Variants in DIDO1 observed in about 807,000 individuals in gnomAD.
DIDO1 encodes death inducer-obliterator 1, also known as death-inducer obliterator 1.
A neutral mutation model predicts 99.4 loss-of-function variants in DIDO1; 16 were observed. That is an observed-to-expected ratio of 0.16 (90% CI 0.11 to 0.24). The LOEUF is 0.24. DIDO1 is among the 10% of genes least tolerant of loss of function. The pLI is 1.00. For missense variants in DIDO1, 2,996 were observed against 3,014.0 expected (o/e 0.99, Z 0.14); for synonymous variants, 1,366 against 1,239.1 (o/e 1.10, Z -2.15).
In DIDO1 at chr20:62,896,304, G is replaced by C. The variant is rs769025960; in HGVS notation, c.2143C>G (p.Gln715Glu). Residue 715 changes from glutamine to glutamate, a missense_variant, in exon 8 of 16, where the codon CAA becomes GAA. Transcript: ENST00000395343. This position sits in a 1 kb window ranked among gnomAD's most constrained non-coding sequence, Gnocchi z 4.4. Reference protein sequence around the residue: ...HIEKEMFNLFQVTDNRYKSKY... With the variant: ...HIEKEMFNLFEVTDNRYKSKY... ...CTCTTGTAGCGATTATCTGTAACTT[G>C]AAACAAGTTAAACATCTCCTTCTCA... 2 of 1,613,894 alleles carry C rather than the reference G, an allele frequency of 1.2e-6. No homozygotes were observed. The highest frequency in any genetic ancestry group is 1.7e-6 in the Non-Finnish European group (2 of 1,179,966).
In DIDO1 at chr20:62,880,462, C is replaced by G; in HGVS notation, c.5494G>C (p.Gly1832Arg). Residue 1832 changes from glycine to arginine, a missense_variant, in exon 16 of 16, where the codon GGT (glycine) becomes CGT (arginine). Coordinates refer to ENST00000395343, the MANE Select transcript of DIDO1 (RefSeq NM_001193369.2). The stretch of plus-strand genomic sequence containing the variant: ...GATGGTGCCACTCCTCGTGGTCCAC[C>G]AAGGTAAGAGGGTGAGGGGCCTCTG... ...DSRGPSPSYL[G>R]GPRGVAPSQF... 6.2e-7 allele frequency: 1 copy of G among 1,612,920 alleles called. No homozygotes were observed. The highest frequency in any genetic ancestry group is 1.1e-5 in the South Asian group (1 of 91,086).
intron 6 of DIDO1, chr20:62,905,467 A>C: frequency 6.5e-7 from 1 of 1,541,198 alleles, no homozygotes; most frequent in Non-Finnish European, 8.8e-7. Context: ...GGCCGTGGAC[A>C]ATGTGGAAAA....
Position 62,879,517 on chromosome 20 carries a change from AGTCCCGGCTGGAGTCCTTGTCCCG to A in DIDO1, c.6415_6438del (p.Arg2139_Asp2146del), listed in dbSNP as rs1416810702. On this transcript the variant is annotated inframe_deletion, in exon 16 of 16. Transcript: ENST00000395343. The surrounding 1 kb of genome is among the most constrained non-coding windows in gnomAD (Gnocchi z 6.3). ...GCGCTCCTCTCCCGGTTTCTGTCCC[AGTCCCGGCTGGAGTCCTTGTCCCG>A]GTGTCGGTCCCACTCCCGGGGCCGG... 4 of 1,597,756 alleles carry A rather than the reference AGTCCCGGCTGGAGTCCTTGTCCCG, an allele frequency of 2.5e-6. No individual in the cohort carries two copies. Among genetic ancestry groups the A allele is most frequent in the Non-Finnish European group, 2.5e-6 (3 of 1,178,760 alleles).
In DIDO1 at chr20:62,881,734, G is replaced by A. The variant is rs2064210479; in HGVS notation, c.4222C>T (p.His1408Tyr). The change falls in exon 16 of 16, where the codon CAC becomes TAC. Residue 1408 changes from histidine to tyrosine, a missense_variant. His to Tyr is a moderately conservative substitution (Grantham distance 83). Around this residue, in one of 5 missense-constraint regions of DIDO1, gnomAD observed 1,562 missense variants for 1,412.6 expected, o/e 1.11. Transcript: ENST00000395343. This position sits in a 1 kb window ranked among gnomAD's most constrained non-coding sequence, Gnocchi z 8.3. ...DTQLVERGRR[H>Y]EVERAPEAAA... ...GCTTCAGGAGCCCTTTCCACCTCGTGGCGCCGCCCTCGCTCCACAAGCTGA... is the reference window on the plus strand; with the variant it reads ...GCTTCAGGAGCCCTTTCCACCTCGTAGCGCCGCCCTCGCTCCACAAGCTGA... 1 of 1,612,856 alleles carries A rather than the reference G, an allele frequency of 6.2e-7. No individual in the cohort carries two copies. The highest frequency in any genetic ancestry group is 1.1e-5 in the South Asian group (1 of 91,082).
chr20:62,911,133 G>T lies in DIDO1; in HGVS notation c.480C>A (p.Thr160=). Residue 160 remains threonine (T), a synonymous_variant, in exon 3 of 16, where the codon ACC becomes ACA. Coordinates refer to ENST00000395343, the MANE Select transcript of DIDO1 (RefSeq NM_001193369.2). This position sits in a 1 kb window ranked among gnomAD's most constrained non-coding sequence, Gnocchi z 7.0. ...GAAGGCGATTCTGAAGCTCTTTCAAGGTCAGGCCATCGCTGTCACTATCGG... is the reference window on the plus strand; with the variant it reads ...GAAGGCGATTCTGAAGCTCTTTCAATGTCAGGCCATCGCTGTCACTATCGG... ...DTSDSDSDGL[T]LKELQNRLRR... The T allele has an allele frequency of 6.2e-7, 1 of 1,614,088 alleles. No individual in the cohort carries two copies. Among genetic ancestry groups the T allele is most frequent in the Non-Finnish European group, 8.5e-7 (1 of 1,180,040 alleles).
chr20:62,901,242 G>T (rs543589928), intron 6 of DIDO1, among the ~76,000 whole-genome samples: 2 of 152,330 alleles, frequency 1.3e-5, no homozygotes, highest in African/African-American at 4.8e-5. Flanking sequence ...AGACTGCCGT[G>T]TTTTGGAATA....
chr20:62,913,088 T>C (rs2064976932), intron 2 of DIDO1, among the ~76,000 whole-genome samples: 1 of 152,198 alleles, frequency 6.6e-6, no homozygotes, highest in Non-Finnish European at 1.5e-5. Context: ...GTAACCTGTG[T>C]TGTTCTTTTT....
intron 15 of DIDO1, among the ~76,000 whole-genome samples, chr20:62,883,091 T>C (rs1174859101): frequency 1.3e-5 from 2 of 151,882 alleles, no homozygotes; most frequent in Non-Finnish European, 2.9e-5. Flanking sequence ...GCCTGGCTAA[T>C]TTTTGTGTTT....
rs898151242 is a variant in DIDO1 at position 62,889,101 on chromosome 20, C to T, written c.3541+1859G>A. On this transcript the variant is annotated intron_variant, in intron 15 of 15. Transcript: ENST00000395343. The stretch of plus-strand genomic sequence containing the variant: ...CGAGTGTGACGTTCCCCCAGCTGGT[C>T]GCGGAGCTGACAGTGTGGGTGGTTG... 5 of 985,380 alleles carry T rather than the reference C, an allele frequency of 5.1e-6. No homozygotes were observed. In the South Asian group the frequency reaches 1.9e-4, roughly 37 times the overall value. 61.0% of individuals were successfully genotyped at this position (985,380 alleles called of 1,614,324 possible). A position where few individuals can be genotyped will look rare whatever the true frequency, so the allele number is the denominator to read the frequency against.
chr20:62,921,726 C>T (rs1046852532), intron 1 of DIDO1, among the ~76,000 whole-genome samples: 5 of 150,978 alleles, frequency 3.3e-5, no homozygotes, highest in Non-Finnish European at 7.4e-5. Context: ...CTCAATCTCC[C>T]TGGGCTCAGG....
intron 6 of DIDO1, among the ~76,000 whole-genome samples, chr20:62,904,812 CT>C (rs1202169489): frequency 9.7e-6 from 1 of 102,870 alleles, no homozygotes; most frequent in East Asian, 3.2e-4. Flanking sequence ...AAAAAAGTGT[CT>C]TTTTTGTAAG....
Position 62,880,542 on chromosome 20 carries a change from C to A in DIDO1, c.5414G>T (p.Gly1805Val). Reference protein sequence around the residue: ...PPPARFGAQKGPIPSLFSGQH... With the variant: ...PPPARFGAQKVPIPSLFSGQH... ...CCCCGAGAATAAGGAAGGGATGGGCCCCTTCTGGGCTCCGAATCTGGCTGG... is the reference window on the plus strand; with the variant it reads ...CCCCGAGAATAAGGAAGGGATGGGCACCTTCTGGGCTCCGAATCTGGCTGG... The change falls in exon 16 of 16, where the codon GGG becomes GTG. Residue 1805 changes from glycine to valine, a missense_variant. Physicochemically the swap from Gly to Val is moderately radical, Grantham distance 109. This residue lies in a region of DIDO1 where 1,562 missense variants were observed against 1,412.6 expected (regional missense o/e 1.11). Transcript: ENST00000395343. 2 of 1,612,970 alleles carry A rather than the reference C, an allele frequency of 1.2e-6. No individual in the cohort carries two copies. The highest frequency in any genetic ancestry group is 1.7e-6 in the Non-Finnish European group (2 of 1,179,988).
At chr20:62,931,445 T>C (rs766794397), upstream of DIDO1, among the ~76,000 whole-genome samples, 26 of 152,210 alleles carry the variant, frequency 1.7e-4, no homozygotes, top group Non-Finnish European at 3.7e-4. Flanking sequence ...TTCTGACTGG[T>C]TTTATCTCAA....
chr20:62,935,643 C>T lies in DIDO1; in HGVS notation c.-200+2153G>A, dbSNP rs549852212. ...AACAAAGCTTGTTGACATGAGAAAA[C>T]CTCCAATCAGCTGGGATGGCTGGAG... On this transcript the variant is annotated intron_variant, in intron 1 of 15. Coordinates refer to the DIDO1 transcript ENST00000266070. Among the ~76,000 whole-genome samples, 10 of 152,292 alleles carry T rather than the reference C, an allele frequency of 6.6e-5. No homozygotes were observed. In the South Asian group the frequency reaches 2.1e-3, roughly 32 times the overall value.
intron 1 of DIDO1, among the ~76,000 whole-genome samples, chr20:62,915,769 AT>A (rs2065026597): frequency 6.6e-6 from 1 of 152,228 alleles, no homozygotes; most frequent in South Asian, 2.1e-4. Flanking sequence ...TGGGGAGTAC[AT>A]GAACGAGCCA....
Position 62,911,270 on chromosome 20 carries a change from C to A in DIDO1, c.343G>T (p.Val115Leu), listed in dbSNP as rs760278227. 3 of 1,612,802 alleles carry A rather than the reference C, an allele frequency of 1.9e-6. No individual in the cohort carries two copies. Among genetic ancestry groups the A allele is most frequent in the South Asian group, 2.2e-5 (2 of 91,080 alleles). Residue 115 changes from valine to leucine, a missense_variant, in exon 3 of 16, where the codon GTG becomes TTG. Around this residue, in one of 5 missense-constraint regions of DIDO1, gnomAD observed 388 missense variants for 376.6 expected, o/e 1.03. Transcript: ENST00000395343. The surrounding 1 kb of genome is among the most constrained non-coding windows in gnomAD (Gnocchi z 7.0). ...TDAETASEGSVESASETRSGP... is the reference protein window; with the variant it reads ...TDAETASEGSLESASETRSGP... ...CTTCTGGTCTCAGAAGCGCTTTCCA[C>A]GCTGCCCTCGGAGGCTGTCTCGGCG...
At chr20:62,908,535 C>G (rs80073668) in intron 4 of DIDO1, among the ~76,000 whole-genome samples, 1 of 152,298 alleles carries the variant, frequency 6.6e-6, no homozygotes, top group African/African-American at 2.4e-5. Flanking sequence ...AAGTCTGTCT[C>G]GATGATCAGG....
At chr20:62,935,239 C>T (rs2065370372) in intron 1 of DIDO1, among the ~76,000 whole-genome samples, 2 of 152,182 alleles carry the variant, frequency 1.3e-5, no homozygotes, top group South Asian at 2.1e-4. Context: ...TCATTTCCAT[C>T]CTGACTGAAG....
At chr20:62,914,636 G>A (rs965233557) in intron 1 of DIDO1, among the ~76,000 whole-genome samples, 1 of 152,130 alleles carries the variant, frequency 6.6e-6, no homozygotes. Context: ...GGCAGCGCAG[G>A]AAGGAGTGGA....
Sources: allele counts gnomAD v4.1 joint callset (sites outside exome capture counted in the v4.1 genomes callset), GRCh38; gene constraint gnomAD v4.1.1; regional missense constraint gnomAD v4.1.1; non-coding constraint Gnocchi (gnomAD v3.1); transcripts MANE v1.5; gene names NCBI Gene and HGNC (gene_info 2026-07-23, HGNC 2026-07-21).